CDH13: variants seen among roughly 807,000 people sequenced by gnomAD.
CDH13 encodes cadherin-13.
CDH13 carries 24 observed loss-of-function variants against 63.8 expected under a neutral mutation model. The observed-to-expected ratio is 0.38, with a 90% CI of 0.27 to 0.53. The LOEUF is 0.53. Ranked by LOEUF, CDH13 falls within the 20% of genes least tolerant of loss-of-function variation. The probability of loss-of-function intolerance (pLI) is 0.85; values close to 1 mark genes in which losing one functional copy is unlikely to be tolerated. For missense variants in CDH13, 1,049 were observed against 903.1 expected, an observed-to-expected ratio of 1.16 and a Z score of -2.07; for synonymous variants, 503 against 355.3, an observed-to-expected ratio of 1.42 and a Z score of -4.67.
intron 1 of CDH13, among the ~76,000 whole-genome samples, chr16:82,785,895 A>C: frequency 6.6e-6 from 1 of 152,236 alleles, no homozygotes; most frequent in Non-Finnish European, 1.5e-5. Context: ...TGGTGAGCCC[A>C]CATTTGGACA....
chr16:83,026,656 A>G (rs1185117171), intron 2 of CDH13, among the ~76,000 whole-genome samples: 1 of 152,196 alleles, frequency 6.6e-6, no homozygotes, highest in African/African-American at 2.4e-5. Flanking sequence ...AAAAAACAAA[A>G]GTTAAGCAAC....
chr16:82,646,905 C>T (rs1297926561), intron 1 of CDH13, among the ~76,000 whole-genome samples: 1 of 152,102 alleles, frequency 6.6e-6, no homozygotes. Context: ...AATGAAGAGG[C>T]TGTTATGGGT....
chr16:82,764,815 C>CTTT lies in CDH13; in HGVS notation c.46-93533_46-93531dup, dbSNP rs567333858. 1.5e-3 allele frequency among the ~76,000 whole-genome samples: 206 copies of CTTT among 135,272 alleles called. 1 individual carries two copies. The highest frequency in any genetic ancestry group is 5.2e-3 in the African/African-American group (192 of 36,950). The allele number at this position is 135,272 out of a possible 152,430, so 88.7% of individuals were successfully genotyped here. A position where few individuals can be genotyped will look rare whatever the true frequency, so the allele number is the denominator to read the frequency against. ...TTCATCTTCATTCATTTCATTCATT[C>CTTT]TTTTTTTTTTTTTTTTGAGATGGAG... is the stretch of plus-strand genomic sequence containing the variant. On this transcript the variant is annotated intron_variant, in intron 1 of 13. Coordinates refer to ENST00000567109, the MANE Select transcript of CDH13 (RefSeq NM_001257.5).
intron 1 of CDH13, among the ~76,000 whole-genome samples, chr16:82,690,034 G>T (rs1005507274): frequency 1.5e-5 from 2 of 131,868 alleles, no homozygotes; most frequent in East Asian, 2.4e-4. Flanking sequence ...CAGGCATGGT[G>T]TTGCATGCCT....
At chr16:83,140,995 T>C (rs1183208598) in intron 4 of CDH13, among the ~76,000 whole-genome samples, 1 of 152,234 alleles carries the variant, frequency 6.6e-6, no homozygotes, top group East Asian at 1.9e-4. Flanking sequence ...ACATCCATTC[T>C]CATTTGAAGT....
chr16:83,544,039 C>T (rs1319588267), intron 7 of CDH13, among the ~76,000 whole-genome samples: 1 of 152,156 alleles, frequency 6.6e-6, no homozygotes, highest in Non-Finnish European at 1.5e-5. Context: ...ATCACTACTG[C>T]AGTATGAGAA....
chr16:83,331,000 G>T (rs1467719582), intron 5 of CDH13, among the ~76,000 whole-genome samples: 1 of 152,208 alleles, frequency 6.6e-6, no homozygotes, highest in African/African-American at 2.4e-5. Context: ...TGTGGCAAGT[G>T]TTTTGCTAAA....
chr16:83,491,828 C>T (rs1444318677), intron 7 of CDH13, among the ~76,000 whole-genome samples: 1 of 152,112 alleles, frequency 6.6e-6, no homozygotes, highest in African/African-American at 2.4e-5. Flanking sequence ...TTTGTATTTT[C>T]AGCTGGTAAC....
intron 4 of CDH13, among the ~76,000 whole-genome samples, chr16:83,136,026 G>A (rs1597395570): frequency 1.3e-5 from 2 of 152,246 alleles, no homozygotes; most frequent in South Asian, 2.1e-4. Flanking sequence ...GGGAGGAAAG[G>A]ATGGGAGAGG....
In CDH13 at chr16:83,237,722, T is replaced by A. The variant is rs80213304; in HGVS notation, c.636+20225T>A. On this transcript the variant is annotated intron_variant, in intron 5 of 13. Coordinates refer to ENST00000567109, the MANE Select transcript of CDH13 (RefSeq NM_001257.5). Reference sequence around the variant, plus strand: ...GCTATGTAATTTGAGGCAAGTTGTTTAATCGTGAACTTTAGTTCCTCATTT... The same window carrying A: ...GCTATGTAATTTGAGGCAAGTTGTTAAATCGTGAACTTTAGTTCCTCATTT... Among the ~76,000 whole-genome samples the A allele has an allele frequency of 8.0e-3, 1,225 of 152,320 alleles. 18 individuals carry two copies. The highest frequency in any genetic ancestry group is 0.027 in the African/African-American group (1,137 of 41,560).
At chr16:82,826,953 T>G (rs1170644881) in intron 1 of CDH13, among the ~76,000 whole-genome samples, 1 of 152,164 alleles carries the variant, frequency 6.6e-6, no homozygotes, top group Non-Finnish European at 1.5e-5. Flanking sequence ...GAATGCACAA[T>G]TGAGCTAATT....
At chr16:82,629,619 T>C (rs1188987992) in intron 1 of CDH13, among the ~76,000 whole-genome samples, 2 of 152,242 alleles carry the variant, frequency 1.3e-5, no homozygotes, top group Non-Finnish European at 2.9e-5. Flanking sequence ...GTATGTTTTT[T>C]TCCACCACAG....
chr16:83,739,253 G>GC (rs925750545), intron 10 of CDH13, among the ~76,000 whole-genome samples: 12 of 152,152 alleles, frequency 7.9e-5, no homozygotes, highest in African/African-American at 2.9e-4. Flanking sequence ...TACGTGACCA[G>GC]CCCCCCAAAA....
intron 1 of CDH13, among the ~76,000 whole-genome samples, chr16:82,747,968 G>A (rs960976239): frequency 2.6e-5 from 4 of 152,166 alleles, no homozygotes; most frequent in Non-Finnish European, 5.9e-5. Flanking sequence ...ATAATACCTG[G>A]AAAAGCTTGG....
intron 2 of CDH13, among the ~76,000 whole-genome samples, chr16:82,867,457 G>C (rs1282678755): frequency 6.6e-6 from 1 of 152,024 alleles, no homozygotes; most frequent in Non-Finnish European, 1.5e-5. Flanking sequence ...ATTCTGGATG[G>C]ACCCAGGGCC....
chr16:83,101,082 A>G (rs1247861670), intron 3 of CDH13, among the ~76,000 whole-genome samples: 2 of 152,120 alleles, frequency 1.3e-5, no homozygotes, highest in Non-Finnish European at 2.9e-5. Context: ...TATGCCAGAC[A>G]CTGGTCTAGG....
chr16:83,704,040 A>G (rs550051473), intron 10 of CDH13, among the ~76,000 whole-genome samples: 14 of 152,356 alleles, frequency 9.2e-5, no homozygotes, highest in Non-Finnish European at 1.6e-4. Flanking sequence ...TGGCATCTAG[A>G]AAATGACAAG....
chr16:82,647,852 T>G (rs757941994), intron 1 of CDH13, among the ~76,000 whole-genome samples: 2 of 152,208 alleles, frequency 1.3e-5, no homozygotes, highest in Non-Finnish European at 1.5e-5. Context: ...GCTGTGTCCC[T>G]GCCCAAATCT....
rs991494656 is a variant in CDH13, at chr16:83,325,349, G to A, written c.637-19513G>A. On this transcript the variant is annotated intron_variant, in intron 5 of 13. Coordinates refer to ENST00000567109, the MANE Select transcript of CDH13 (RefSeq NM_001257.5). The stretch of plus-strand genomic sequence containing the variant: ...AGTTTAAGAGGCCTCAGGTTGCCAC[G>A]TTGGGTTTGAAATCTAGATGAAGAT... Among the ~76,000 whole-genome samples the A allele has an allele frequency of 2.0e-5, 3 of 152,170 alleles. No homozygotes were observed. In the South Asian group the frequency reaches 6.2e-4, roughly 32 times the overall value.
Sources: allele counts gnomAD v4.1 joint callset (sites outside exome capture counted in the v4.1 genomes callset), GRCh38; gene constraint gnomAD v4.1.1; transcripts MANE v1.5; gene names NCBI Gene and HGNC (gene_info 2026-07-23, HGNC 2026-07-21).